RORA: variants seen among roughly 807,000 people sequenced by gnomAD.
RORA encodes nuclear receptor ROR-alpha.
Under a neutral mutation model 69.5 loss-of-function variants are expected in RORA, and 7 were observed. That is an observed-to-expected ratio of 0.10 (90% CI 0.06 to 0.19). The LOEUF (loss-of-function observed/expected upper bound fraction) is 0.19, where lower values mean the gene tolerates loss of function less well. RORA is among the 10% of genes least tolerant of loss of function. RORA has a pLI of 1.00. For missense variants in RORA, 457 were observed against 663.0 expected (o/e 0.69, Z 3.41); for synonymous variants, 261 against 240.8 (o/e 1.08, Z -0.78).
At chr15:60,778,462 C>T (rs1201163612) in intron 1 of RORA, among the ~76,000 whole-genome samples, 2 of 152,128 alleles carry the variant, frequency 1.3e-5, no homozygotes, top group African/African-American at 4.8e-5. Context: ...GCCCAGTTAC[C>T]TCGGTGCAGA....
intron 1 of RORA, among the ~76,000 whole-genome samples, chr15:60,962,576 G>A (rs767921183): frequency 6.6e-6 from 1 of 152,116 alleles, no homozygotes; most frequent in Non-Finnish European, 1.5e-5. Context: ...ACTGCTCCCC[G>A]CTCTCCTCCA....
intron 1 of RORA, among the ~76,000 whole-genome samples, chr15:60,775,179 C>G (rs13380422): frequency 2.0e-5 from 3 of 152,116 alleles, no homozygotes; most frequent in Non-Finnish European, 2.9e-5. Context: ...CTAGTAGTAA[C>G]GTGACTCTAA....
chr15:60,824,040 T>TA (rs549804505), intron 1 of RORA, among the ~76,000 whole-genome samples: 97 of 152,342 alleles, frequency 6.4e-4, no homozygotes, highest in African/African-American at 2.2e-3. Flanking sequence ...CATAAGTTAA[T>TA]AAGTAGTGAA....
intron 1 of RORA, among the ~76,000 whole-genome samples, chr15:61,189,963 T>C (rs1412480822): frequency 2.0e-5 from 3 of 151,542 alleles, no homozygotes; most frequent in African/African-American, 7.3e-5. Flanking sequence ...TACATGTTTG[T>C]CAATAGGGAT....
At chr15:60,949,030 T>C (rs761918857) in intron 1 of RORA, among the ~76,000 whole-genome samples, 8 of 152,056 alleles carry the variant, frequency 5.3e-5, no homozygotes, top group Non-Finnish European at 1.2e-4. Flanking sequence ...GATGAAGAAA[T>C]ATGAGCTTTC....
chr15:60,697,794 A>G (rs563218572), intron 1 of RORA, among the ~76,000 whole-genome samples: 1 of 152,354 alleles, frequency 6.6e-6, no homozygotes, highest in South Asian at 2.1e-4. Context: ...CCAGTGCTTT[A>G]TAATAAATTT....
At position 60,511,298 on chromosome 15, in the gene RORA, C is replaced by G. The variant is rs202105560; in HGVS notation, c.748G>C (p.Ala250Pro). The stretch of plus-strand genomic sequence containing the variant: ...GAACAGTAGGGAAAGAAGCCTGATG[C>G]TGGTGTGTAGTCACATATTGGTTCT... ...KPEPICDYTP[A>P]SGFFPYCSFT... is the part of the protein sequence containing the mutation. The change falls in exon 5 of 11, where the codon GCA becomes CCA. Residue 250 changes from alanine (A) to proline (P), a missense_variant. Physicochemically the swap from Ala to Pro is conservative, Grantham distance 27. This residue lies in a region of RORA where 304 missense variants were observed against 447.4 expected (regional missense o/e 0.68). Coordinates refer to ENST00000335670, the MANE Select transcript of RORA (RefSeq NM_134261.3). This position sits in a 1 kb window ranked among gnomAD's most constrained non-coding sequence, Gnocchi z 6.4. 207 of 1,614,016 alleles carry G rather than the reference C, an allele frequency of 1.3e-4. No homozygotes were observed. The highest frequency in any genetic ancestry group is 1.7e-4 in the Non-Finnish European group (197 of 1,179,992).
intron 1 of RORA, among the ~76,000 whole-genome samples, chr15:61,199,372 G>A (rs1567034480): frequency 6.6e-6 from 1 of 152,146 alleles, no homozygotes; most frequent in Non-Finnish European, 1.5e-5. Context: ...TGGACAAGAA[G>A]TTAGTCCAAT....
intron 1 of RORA, among the ~76,000 whole-genome samples, chr15:60,838,393 A>G (rs908467101): frequency 6.6e-5 from 10 of 152,166 alleles, no homozygotes; most frequent in Non-Finnish European, 2.9e-5. Context: ...TGGCATGGGA[A>G]AGAGGAACAT....
chr15:61,059,129 G>A (rs897727064), intron 1 of RORA, among the ~76,000 whole-genome samples: 8 of 152,218 alleles, frequency 5.3e-5, no homozygotes, highest in African/African-American at 1.4e-4. Flanking sequence ...CCAATGGGCA[G>A]AGGGATGTTA....
chr15:61,130,779 G>A (rs1486415412), intron 1 of RORA, among the ~76,000 whole-genome samples: 1 of 152,168 alleles, frequency 6.6e-6, no homozygotes, highest in Non-Finnish European at 1.5e-5. Flanking sequence ...TAGAATGGGT[G>A]TTCCCTAAAC....
At chr15:60,543,449 C>T (rs1487190355) in intron 2 of RORA, among the ~76,000 whole-genome samples, 2 of 152,028 alleles carry the variant, frequency 1.3e-5, no homozygotes, top group Non-Finnish European at 2.9e-5. Flanking sequence ...ATAGTAAGGG[C>T]TCCATAAATG....
At chr15:60,812,744 T>C (rs1426830797) in intron 1 of RORA, among the ~76,000 whole-genome samples, 3 of 152,216 alleles carry the variant, frequency 2.0e-5, no homozygotes, top group Non-Finnish European at 4.4e-5. Context: ...AGAGTTCAAC[T>C]GTAAATTCAG....
chr15:61,005,956 TTTG>T (rs1566940835), intron 1 of RORA, among the ~76,000 whole-genome samples: 1 of 111,308 alleles, frequency 9.0e-6, no homozygotes, highest in Non-Finnish European at 1.9e-5. Flanking sequence ...TTTTTGTTTG[TTTG>T]TTTTGTTTTG....
At chr15:60,817,201 T>C (rs768379510) in intron 1 of RORA, among the ~76,000 whole-genome samples, 17 of 152,222 alleles carry the variant, frequency 1.1e-4, no homozygotes, top group Non-Finnish European at 2.2e-4. Context: ...GGGTTCGGTC[T>C]CTAGACCACG....
intron 1 of RORA, among the ~76,000 whole-genome samples, chr15:60,716,856 C>T (rs550600503): frequency 6.6e-5 from 10 of 152,312 alleles, no homozygotes; most frequent in East Asian, 1.9e-4. Flanking sequence ...ATGGAAGCTC[C>T]GTTCCCCTTC....
At chr15:60,957,333 C>G (rs1292282664) in intron 1 of RORA, among the ~76,000 whole-genome samples, 3 of 152,220 alleles carry the variant, frequency 2.0e-5, no homozygotes, top group African/African-American at 4.8e-5. Flanking sequence ...CAACCACATT[C>G]AGGAACTTTG....
At chr15:61,169,895 C>G (rs1267868788) in intron 1 of RORA, among the ~76,000 whole-genome samples, 1 of 152,118 alleles carries the variant, frequency 6.6e-6, no homozygotes, top group Non-Finnish European at 1.5e-5. Context: ...TTTCTGTTGA[C>G]CCTATCAGGA....
intron 1 of RORA, among the ~76,000 whole-genome samples, chr15:60,739,979 C>T (rs191310980): frequency 2.1e-3 from 319 of 152,194 alleles, no homozygotes; most frequent in African/African-American, 7.0e-3. Flanking sequence ...AGAGAGGTTC[C>T]ATCCAAAGAA....
Sources: gnomAD v4.1 joint callset for allele counts (sites outside exome capture counted in the v4.1 genomes callset) on GRCh38, gnomAD v4.1.1 for gene constraint, gnomAD v4.1.1 regional missense constraint, Gnocchi (gnomAD v3.1) non-coding constraint, MANE v1.5 for transcripts, NCBI Gene and HGNC (gene_info 2026-07-23, HGNC 2026-07-21) for gene names.